Variants in KCND3 observed in about 807,000 individuals in gnomAD.
KCND3 encodes the protein potassium voltage-gated channel subfamily D member 3.
In KCND3, 9 loss-of-function variants were observed where a neutral mutation model predicts 51.1. The ratio of observed to expected loss-of-function variants is 0.18; its 90% CI spans 0.11 to 0.31. The LOEUF is 0.31. Ranked by LOEUF, KCND3 falls within the 10% of genes least tolerant of loss-of-function variation. KCND3 has a pLI of 1.00. For missense variants in KCND3, 526 were observed against 903.8 expected (o/e 0.58, Z 5.36); for synonymous variants, 349 against 368.0 (o/e 0.95, Z 0.59).
At chr1:111,778,541 T>A (rs149059371) in intron 5 of KCND3, 49 bp from the exon 6 acceptor site, 154 of 1,557,168 alleles carry the variant, frequency 9.9e-5, no homozygotes, top group Non-Finnish European at 1.3e-4. Context: ...TGATTGTACA[T>A]TCCAGCATTC....
intron 2 of KCND3, among the ~76,000 whole-genome samples, chr1:111,788,015 G>A (rs754922404): frequency 6.6e-6 from 1 of 152,212 alleles, no homozygotes; most frequent in Non-Finnish European, 1.5e-5. Context: ...AAGCTGTGAA[G>A]CCACTTTGGA....
intron 2 of KCND3, among the ~76,000 whole-genome samples, chr1:111,862,868 C>T (rs1162298083): frequency 2.6e-5 from 4 of 152,224 alleles, no homozygotes; most frequent in Non-Finnish European, 5.9e-5. Flanking sequence ...TAAATCCTGA[C>T]CAGGGGCTGG....
chr1:111,976,085 G>GAAAAA (rs1674609769), intron 2 of KCND3, among the ~76,000 whole-genome samples: 1 of 152,192 alleles, frequency 6.6e-6, no homozygotes, highest in Admixed American at 6.5e-5. Flanking sequence ...CTGTCCACTA[G>GAAAAA]AATGTAACCT....
chr1:111,963,673 G>A (rs997461890), intron 2 of KCND3, among the ~76,000 whole-genome samples: 2 of 152,210 alleles, frequency 1.3e-5, no homozygotes, highest in African/African-American at 4.8e-5. Flanking sequence ...TAGTTCCAGT[G>A]AGGGCTGATG....
In KCND3 at chr1:111,800,983, C is replaced by A. The variant is rs553413111; in HGVS notation, c.1107-13877G>T. On this transcript the variant is annotated intron_variant, in intron 2 of 7. Coordinates refer to ENST00000302127, the MANE Select transcript of KCND3 (RefSeq NM_001378969.1). ...CACAAGAAAGAGACATGAGGAGCAG[C>A]ACATGTGTCTGGTCAAGCGGTGGAG... 2.8e-4 allele frequency among the ~76,000 whole-genome samples: 43 copies of A among 152,378 alleles called. No homozygotes were observed. The South Asian group carries it at 8.5e-3, about 30-fold the overall frequency.
At chr1:111,844,345 C>T (rs1667457474) in intron 2 of KCND3, among the ~76,000 whole-genome samples, 3 of 152,108 alleles carry the variant, frequency 2.0e-5, no homozygotes, top group African/African-American at 7.2e-5. Context: ...TTTTATTATT[C>T]CTATTTCCAT....
At chr1:111,795,554 A>G (rs1202155821) in intron 2 of KCND3, among the ~76,000 whole-genome samples, 10 of 152,246 alleles carry the variant, frequency 6.6e-5, no homozygotes, top group Non-Finnish European at 1.3e-4. Flanking sequence ...CATTCAAGCC[A>G]GTGCTCCACA....
At chr1:111,839,421 T>C (rs1397489039) in intron 2 of KCND3, among the ~76,000 whole-genome samples, 1 of 152,266 alleles carries the variant, frequency 6.6e-6, no homozygotes, top group East Asian at 1.9e-4. Flanking sequence ...TTCAGCATTA[T>C]CCTAATTCCC....
intron 2 of KCND3, among the ~76,000 whole-genome samples, chr1:111,852,942 A>G (rs1415266128): frequency 6.6e-6 from 1 of 152,012 alleles, no homozygotes; most frequent in Non-Finnish European, 1.5e-5. Flanking sequence ...TGAGCACCAC[A>G]TTGTTTAACC....
chr1:111,775,949 G>T lies in KCND3; in HGVS notation c.*128C>A. 9.4e-7 allele frequency: 1 copy of T among 1,065,308 alleles called. No homozygotes were observed. Among genetic ancestry groups the T allele is most frequent in the Non-Finnish European group, 1.4e-6 (1 of 698,794 alleles). 66.0% of individuals were successfully genotyped at this position (1,065,308 alleles called of 1,614,324 possible). ...TTTCCTTCCAGGCACAAGTCTCAGT[G>T]CTAGGGGTACAATGGGGCAGGCAGA... On this transcript the variant is annotated 3_prime_UTR_variant, in exon 8 of 8. Coordinates refer to ENST00000302127, the MANE Select transcript of KCND3 (RefSeq NM_001378969.1).
chr1:111,938,939 A>G (rs1672353518), intron 2 of KCND3, among the ~76,000 whole-genome samples: 1 of 152,226 alleles, frequency 6.6e-6, no homozygotes, highest in African/African-American at 2.4e-5. Flanking sequence ...TGCAGCTCCA[A>G]TGCTGTACTT....
At chr1:111,836,645 C>T (rs1038492453) in intron 2 of KCND3, among the ~76,000 whole-genome samples, 1 of 152,186 alleles carries the variant, frequency 6.6e-6, no homozygotes, top group Non-Finnish European at 1.5e-5. Context: ...GTATTAGGAT[C>T]ACCACCATTT....
chr1:111,898,382 C>G (rs1202428379), intron 2 of KCND3, among the ~76,000 whole-genome samples: 1 of 152,126 alleles, frequency 6.6e-6, no homozygotes, highest in Non-Finnish European at 1.5e-5. Context: ...CCTGTACCTC[C>G]ACATGCCTGG....
intron 2 of KCND3, among the ~76,000 whole-genome samples, chr1:111,953,599 T>C (rs1210350420): frequency 1.3e-5 from 2 of 152,344 alleles, no homozygotes; most frequent in East Asian, 3.9e-4. Context: ...AGAAGGGAGT[T>C]GAGTGCTCAC....
chr1:111,889,454 G>T (rs1243180318), intron 2 of KCND3, among the ~76,000 whole-genome samples: 1 of 152,228 alleles, frequency 6.6e-6, no homozygotes, highest in East Asian at 1.9e-4. Context: ...TTCCTGTAGA[G>T]ATCAGGAAGT....
At chr1:111,879,734 T>C (rs887820281) in intron 2 of KCND3, among the ~76,000 whole-genome samples, 1 of 152,244 alleles carries the variant, frequency 6.6e-6, no homozygotes, top group African/African-American at 2.4e-5. Flanking sequence ...ACTATGAGTG[T>C]CTCACTTATC....
intron 2 of KCND3, among the ~76,000 whole-genome samples, chr1:111,894,993 G>A (rs1670027623): frequency 6.6e-6 from 1 of 150,858 alleles, no homozygotes; most frequent in Admixed American, 6.6e-5. Context: ...GAAGGGAGAG[G>A]ACTCAGGGGG....
At chr1:111,933,722 C>T (rs2101867516) in intron 2 of KCND3, among the ~76,000 whole-genome samples, 1 of 152,296 alleles carries the variant, frequency 6.6e-6, no homozygotes, top group South Asian at 2.1e-4. Flanking sequence ...TAAATCTCCT[C>T]CAGGAAGCTT....
At chr1:111,934,352 C>G (rs540869084) in intron 2 of KCND3, among the ~76,000 whole-genome samples, 1 of 152,304 alleles carries the variant, frequency 6.6e-6, no homozygotes, top group South Asian at 2.1e-4. Flanking sequence ...GGGGCTCAGC[C>G]CAAGCAGTTT....
Sources: allele counts gnomAD v4.1 joint callset (sites outside exome capture counted in the v4.1 genomes callset), GRCh38; gene constraint gnomAD v4.1.1; transcripts MANE v1.5; gene names NCBI Gene and HGNC (gene_info 2026-07-23, HGNC 2026-07-21).